The following SYNE2 variants were observed in gnomAD, a reference collection of about 807,000 sequenced individuals.
SYNE2 encodes the protein nesprin-2.
In SYNE2, 431 loss-of-function variants were observed where a neutral mutation model predicts 856.3. The observed-to-expected ratio is 0.50, with a 90% confidence interval of 0.47 to 0.55. The LOEUF (loss-of-function observed/expected upper bound fraction) is 0.55. Ranked by LOEUF, SYNE2 falls within the 20% of genes least tolerant of loss-of-function variation. SYNE2 has a pLI of 0.00. For missense variants in SYNE2, 8,129 were observed against 8,023.2 expected, an observed-to-expected ratio of 1.01 and a Z score of -0.50; for synonymous variants, 2,923 against 2,872.3, an observed-to-expected ratio of 1.02 and a Z score of -0.56.
intron 109 of SYNE2, 50 bp from the exon 110 acceptor site, chr14:64,219,158 G>T: frequency 8.4e-6 from 10 of 1,186,890 alleles, no homozygotes; most frequent in Non-Finnish European, 1.2e-5. Context: ...TGGAGGCAGA[G>T]AAATCTGTTG....
intron 78 of SYNE2, among the ~76,000 whole-genome samples, chr14:64,137,096 C>T (rs561160436): frequency 6.6e-6 from 1 of 152,364 alleles, no homozygotes; most frequent in South Asian, 2.1e-4. Context: ...CTTAAGGTCA[C>T]ACAAAACCTA....
Position 63,815,206 on chromosome 14 carries a change from ATATATATAT to A in SYNE2, c.-304-37294_-304-37286del, listed in dbSNP as rs1412302193. Among the ~76,000 whole-genome samples the A allele has an allele frequency of 1.7e-3, 79 of 46,286 alleles. 2 individuals carry two copies. The highest frequency in any genetic ancestry group is 7.0e-3 in the Admixed American group (24 of 3,432). 30.4% of individuals were successfully genotyped at this position (46,286 alleles called of 152,430 possible). A position where few individuals can be genotyped will look rare whatever the true frequency, so the allele number is the denominator to read the frequency against. ...CATATATATATCCATATATATATCC[ATATATATAT>A]CCATATATATATCCATATATATATG... is the stretch of plus-strand genomic sequence containing the variant. On this transcript the variant is annotated intron_variant, in intron 1 of 23. Transcript: ENST00000674003.
At chr14:64,042,101 C>G (rs1189765776) in intron 45 of SYNE2, among the ~76,000 whole-genome samples, 1 of 152,062 alleles carries the variant, frequency 6.6e-6, no homozygotes, top group Non-Finnish European at 1.5e-5. Flanking sequence ...ATATTGTTTT[C>G]CACAGTAGTC....
At chr14:64,191,555 C>T (rs756281631) in intron 99 of SYNE2, among the ~76,000 whole-genome samples, 3 of 152,160 alleles carry the variant, frequency 2.0e-5, no homozygotes, top group South Asian at 4.1e-4. Flanking sequence ...TGATGAGAAG[C>T]CCCACTGGCC....
chr14:63,875,173 A>G (rs1023262540), intron 1 of SYNE2, among the ~76,000 whole-genome samples: 3 of 152,096 alleles, frequency 2.0e-5, no homozygotes, highest in Admixed American at 2.0e-4. Flanking sequence ...TCAGCCTCCC[A>G]AGTATCTGGG....
At chr14:63,813,724 C>A (rs1888708355) in intron 1 of SYNE2, among the ~76,000 whole-genome samples, 1 of 152,014 alleles carries the variant, frequency 6.6e-6, no homozygotes, top group African/African-American at 2.4e-5. Flanking sequence ...AAATTCAACA[C>A]CAGCCTGGAC....
chr14:64,159,503 G>GA, intron 87 of SYNE2, 61 bp downstream of exon 87: 1 of 1,588,126 alleles, frequency 6.3e-7, no homozygotes. Context: ...TGTGAAGAAT[G>GA]AGGGGGCATA....
intron 19 of SYNE2, among the ~76,000 whole-genome samples, chr14:63,989,487 G>A (rs1410375763): frequency 6.6e-6 from 1 of 151,930 alleles, no homozygotes; most frequent in African/African-American, 2.4e-5. Context: ...ATAGGCGCCC[G>A]CCACCACACC....
chr14:64,136,954 G>A (rs1346411101), intron 78 of SYNE2, among the ~76,000 whole-genome samples: 2 of 152,184 alleles, frequency 1.3e-5, no homozygotes, highest in African/African-American at 4.8e-5. Context: ...CCTAGAGCCA[G>A]CAGCTGCTGC....
intron 78 of SYNE2, among the ~76,000 whole-genome samples, chr14:64,136,937 A>G (rs12147438): frequency 0.12 from 18,094 of 152,172 alleles, 1,605 homozygotes; most frequent in African/African-American, 0.24. Flanking sequence ...GAGAGGGAGT[A>G]GGCTCTCCTA....
At chr14:63,895,775 C>CAAAAAAAAAA (rs10544076) in intron 1 of SYNE2, among the ~76,000 whole-genome samples, 1 of 92,622 alleles carries the variant, frequency 1.1e-5, no homozygotes, top group South Asian at 3.7e-4. Context: ...TCCAAATCTC[C>CAAAAAAAAAA]AAAAAAAAAA....
intron 2 of SYNE2, among the ~76,000 whole-genome samples, chr14:63,914,340 C>T (rs7157323): frequency 0.66 from 100,975 of 152,066 alleles, 33,732 homozygotes; most frequent in South Asian, 0.77. Flanking sequence ...GAATCCCTTC[C>T]GAAGTATTTC....
chr14:63,951,859 AAC>A (rs2096166681), intron 7 of SYNE2, among the ~76,000 whole-genome samples: 1 of 152,176 alleles, frequency 6.6e-6, no homozygotes, highest in African/African-American at 2.4e-5. Flanking sequence ...TATATTTTAC[AAC>A]AGTTTATCTT....
rs1465125434 is a variant in SYNE2 at position 64,137,961 on chromosome 14, G to A, written c.14821G>A (p.Ala4941Thr). 3 of 1,613,862 alleles carry A rather than the reference G, an allele frequency of 1.9e-6. No homozygotes were observed. Among genetic ancestry groups the A allele is most frequent in the Non-Finnish European group, 2.5e-6 (3 of 1,179,942 alleles). Residue 4941 changes from alanine to threonine, a missense_variant, in exon 79 of 116, where the codon GCT (alanine) becomes ACT (threonine). Ala to Thr is a moderately conservative substitution (Grantham distance 58, BLOSUM62 0). This residue lies in a region of SYNE2 where 5,410 missense variants were observed against 5,284.8 expected (regional missense o/e 1.02). Transcript: ENST00000555002. ...TGACCATGAGCTCCACAGGCTGCAA[G>A]CTCTTCTCAAGCATCTGCTCAGGTC... ...KIDHELHRLQ[A>T]LLKHLLSYNR... is the part of the protein sequence containing the mutation.
At chr14:63,948,778 G>GTATATATATA (rs71123821) in intron 6 of SYNE2, among the ~76,000 whole-genome samples, 5 of 76,338 alleles carry the variant, frequency 6.5e-5, no homozygotes, top group East Asian at 3.8e-4. Context: ...ATGTATGTGT[G>GTATATATATA]TGTGTATATA....
At chr14:63,938,085 C>T (rs959145558) in intron 2 of SYNE2, among the ~76,000 whole-genome samples, 1 of 152,048 alleles carries the variant, frequency 6.6e-6, no homozygotes, top group African/African-American at 2.4e-5. Flanking sequence ...GGGCAGAAGA[C>T]AAGTGTATTG....
chr14:63,934,083 A>G (rs1398209015), intron 2 of SYNE2, among the ~76,000 whole-genome samples: 1 of 152,350 alleles, frequency 6.6e-6, no homozygotes, highest in South Asian at 2.1e-4. Flanking sequence ...GTTTGCCATT[A>G]AGCAAAGGTT....
intron 1 of SYNE2, among the ~76,000 whole-genome samples, chr14:63,879,294 G>T (rs2094803788): frequency 6.6e-6 from 1 of 152,146 alleles, no homozygotes; most frequent in Admixed American, 6.5e-5. Flanking sequence ...CTCTAGCAAG[G>T]CAGGAAAAGA....
intron 1 of SYNE2, among the ~76,000 whole-genome samples, chr14:63,834,269 A>G (rs573730816): frequency 1.3e-5 from 2 of 152,270 alleles, no homozygotes; most frequent in African/African-American, 4.8e-5. Context: ...AGGTTGAGGC[A>G]TAAAAATTGC....
Sources: allele counts gnomAD v4.1 joint callset (sites outside exome capture counted in the v4.1 genomes callset), GRCh38; gene constraint gnomAD v4.1.1; regional missense constraint gnomAD v4.1.1; transcripts MANE v1.5; gene names NCBI Gene and HGNC (gene_info 2026-07-23, HGNC 2026-07-21).